ZNF140: variants seen among roughly 807,000 people sequenced by gnomAD.
ZNF140 encodes the protein zinc finger protein 140, also known as zinc finger protein 140 (clone pHZ-39).
Under a neutral mutation model 12.9 loss-of-function variants are expected in ZNF140, and 13 were observed. That is an observed-to-expected ratio of 1.01 (90% CI 0.66 to 1.60). The LOEUF (loss-of-function observed/expected upper bound fraction) is 1.60. Ranked by LOEUF, ZNF140 falls within the 40% of genes most tolerant of loss-of-function variation. The probability of loss-of-function intolerance (pLI) is 0.00; values close to 1 mark genes in which losing one functional copy is unlikely to be tolerated. For missense variants in ZNF140, 531 were observed against 548.8 expected, an observed-to-expected ratio of 0.97 and a Z score of 0.32; for synonymous variants, 214 against 186.7, an observed-to-expected ratio of 1.15 and a Z score of -1.19.
chr12:133,084,511 A>T (rs995881816), intron 4 of ZNF140, among the ~76,000 whole-genome samples: 25 of 152,244 alleles, frequency 1.6e-4, no homozygotes, highest in Non-Finnish European at 2.1e-4. Context: ...TTAGCAGTAC[A>T]GCAGTGAAAA....
intron 4 of ZNF140, among the ~76,000 whole-genome samples, chr12:133,104,188 A>C (rs1955478764): frequency 6.6e-6 from 1 of 152,226 alleles, no homozygotes; most frequent in African/African-American, 2.4e-5. Context: ...AGTTATAAGA[A>C]TAGTACAAAG....
intron 4 of ZNF140, among the ~76,000 whole-genome samples, chr12:133,102,142 A>AT (rs1176794645): frequency 5.3e-5 from 8 of 151,910 alleles, no homozygotes; most frequent in African/African-American, 1.9e-4. Flanking sequence ...TTAGTTCTTA[A>AT]TTTTTTTTCC....
chr12:133,100,392 TTCTGGCC>T (rs1955304849), intron 4 of ZNF140, among the ~76,000 whole-genome samples: 1 of 152,098 alleles, frequency 6.6e-6, no homozygotes, highest in Non-Finnish European at 1.5e-5. Context: ...GGTTGCAAAC[TTCTGGCC>T]TCAAGCACTT....
intron 4 of ZNF140, among the ~76,000 whole-genome samples, chr12:133,095,977 A>G (rs1279009883): frequency 1.9e-4 from 28 of 151,306 alleles, no homozygotes; most frequent in Non-Finnish European, 3.5e-4. Flanking sequence ...GGCAGGAGAC[A>G]GTGGCCTTCC....
chr12:133,096,105 A>G (rs912095994), intron 4 of ZNF140, among the ~76,000 whole-genome samples: 33 of 151,592 alleles, frequency 2.2e-4, no homozygotes, highest in Non-Finnish European at 4.0e-4. Context: ...CATATTTCAG[A>G]CTATCACATG....
rs1593769420 is a variant in ZNF140, at chr12:133,093,354, C to G, written c.232+9793C>G. On this transcript the variant is annotated intron_variant, in intron 4 of 4. Transcript: ENST00000355557. ...ATAGGGAGACTTACCACCGTTGATA[C>G]AATCATTAAAGCTGCAAGCAGCATA... The G allele has an allele frequency of 5.9e-6, 4 of 677,948 alleles. No homozygotes were observed. The South Asian group carries it at 6.2e-5, about 10-fold the overall frequency. 42.0% of individuals were successfully genotyped at this position (677,948 alleles called of 1,614,324 possible).
Position 133,106,252 on chromosome 12 carries a change from C to T in ZNF140, c.975C>T (p.Thr325=), listed in dbSNP as rs1410988085. The change falls in exon 5 of 5, where the codon ACC becomes ACT. Residue 325 remains threonine, a synonymous_variant. Coordinates refer to ENST00000355557, the MANE Select transcript of ZNF140 (RefSeq NM_003440.4). ...HLTRHQSIHT[T]KTPYECNECR... is the part of the protein sequence containing the mutation. ...CTCGACATCAGAGCATCCATACAAC[C>T]AAAACCCCGTATGAATGTAATGAAT... 5 of 1,614,042 alleles carry T rather than the reference C, an allele frequency of 3.1e-6. No individual in the cohort carries two copies. Among genetic ancestry groups the T allele is most frequent in the Non-Finnish European group, 4.2e-6 (5 of 1,180,040 alleles).
chr12:133,096,222 T>C lies in ZNF140; in HGVS notation c.233-9288T>C, dbSNP rs1057050901. ...GAGACTAGAGAATGGCGATGACTTT[T>C]ACCAAGTATACTGCTTGTAAACATT... is the stretch of plus-strand genomic sequence containing the variant. On this transcript the variant is annotated intron_variant, in intron 4 of 4. Transcript: ENST00000355557. Among the ~76,000 whole-genome samples the C allele has an allele frequency of 2.0e-5, 3 of 152,054 alleles. No homozygotes were observed. In the South Asian group the frequency reaches 6.2e-4, roughly 32 times the overall value.
rs142149303 is a variant in ZNF140, at chr12:133,106,208, C to G, written c.931C>G (p.Arg311Gly). 1 of 1,614,100 alleles carries G rather than the reference C, an allele frequency of 6.2e-7. No individual in the cohort carries two copies. Among genetic ancestry groups the G allele is most frequent in the Non-Finnish European group, 8.5e-7 (1 of 1,180,016 alleles). The change falls in exon 5 of 5, where the codon CGC (arginine) becomes GGC (glycine). Residue 311 changes from arginine to glycine, a missense_variant. Physicochemically the swap from Arg to Gly is moderately radical, Grantham distance 125. Coordinates refer to ENST00000355557, the MANE Select transcript of ZNF140 (RefSeq NM_003440.4). ...YECIECGKAF[R>G]RFSHLTRHQS... ...ATGCATTGAATGTGGGAAGGCATTTCGCCGTTTCTCACACCTTACTCGACA... is the reference window on the plus strand; with the variant it reads ...ATGCATTGAATGTGGGAAGGCATTTGGCCGTTTCTCACACCTTACTCGACA...
Position 133,106,263 on chromosome 12 carries a change from A to G in ZNF140, c.986A>G (p.Tyr329Cys), listed in dbSNP as rs1330364627. 1 of 1,614,226 alleles carries G rather than the reference A, an allele frequency of 6.2e-7. No homozygotes were observed. The change falls in exon 5 of 5, where the codon TAT (tyrosine) becomes TGT (cysteine). Residue 329 changes from tyrosine to cysteine, a missense_variant. Coordinates refer to ENST00000355557, the MANE Select transcript of ZNF140 (RefSeq NM_003440.4). The stretch of plus-strand genomic sequence containing the variant: ...AGCATCCATACAACCAAAACCCCGT[A>G]TGAATGTAATGAATGTAGGAAAGCT... ...HQSIHTTKTP[Y>C]ECNECRKAFR...
chr12:133,107,272 A>G lies in ZNF140; in HGVS notation c.*621A>G, dbSNP rs1000977796. 10 of 152,220 alleles carry G rather than the reference A, an allele frequency of 6.6e-5. No individual in the cohort carries two copies. Among genetic ancestry groups the G allele is most frequent in the Non-Finnish European group, 1.2e-4 (8 of 68,032 alleles). 9.4% of individuals were successfully genotyped at this position (152,220 alleles called of 1,614,324 possible). A position where few individuals can be genotyped will look rare whatever the true frequency, so the allele number is the denominator to read the frequency against. ...AGAATTACACTGTGGGAAAACTACC[A>G]TTGTAATAAGTGTAGCAAAATCTCC... On this transcript the variant is annotated 3_prime_UTR_variant, in exon 5 of 5. Coordinates refer to ENST00000355557, the MANE Select transcript of ZNF140 (RefSeq NM_003440.4).
chr12:133,104,598 G>A (rs973327845), intron 4 of ZNF140, among the ~76,000 whole-genome samples: 294 of 152,138 alleles, frequency 1.9e-3, no homozygotes, highest in African/African-American at 6.4e-3. Flanking sequence ...TGATCTGCCC[G>A]CCTTGGCCTC....
intron 4 of ZNF140, among the ~76,000 whole-genome samples, chr12:133,098,935 G>A (rs1204495082): frequency 6.6e-6 from 1 of 152,148 alleles, no homozygotes; most frequent in Middle Eastern, 3.2e-3. Flanking sequence ...CCAGGCTGGA[G>A]TGCAGTGGCA....
At chr12:133,103,694 A>C (rs936785625) in intron 4 of ZNF140, among the ~76,000 whole-genome samples, 2 of 152,064 alleles carry the variant, frequency 1.3e-5, no homozygotes, top group Non-Finnish European at 2.9e-5. Context: ...TTTAAATCTT[A>C]TCTCTGGTCT....
chr12:133,096,085 C>A (rs960047342), intron 4 of ZNF140, among the ~76,000 whole-genome samples: 6 of 151,666 alleles, frequency 4.0e-5, no homozygotes, highest in East Asian at 1.9e-4. Flanking sequence ...TCTTTCTCAT[C>A]CCACGAGGCC....
chr12:133,099,245 T>A (rs1955245515), intron 4 of ZNF140, among the ~76,000 whole-genome samples: 1 of 152,140 alleles, frequency 6.6e-6, no homozygotes, highest in Admixed American at 6.5e-5. Flanking sequence ...TGATCTTGGC[T>A]CACTGCAGCC....
At chr12:133,095,864 C>T (rs1282520300) in intron 4 of ZNF140, among the ~76,000 whole-genome samples, 7 of 151,998 alleles carry the variant, frequency 4.6e-5, no homozygotes, top group Admixed American at 2.0e-4. Context: ...AGCATTACTG[C>T]AAACATATCT....
chr12:133,099,844 C>G (rs1242699837), intron 4 of ZNF140, among the ~76,000 whole-genome samples: 1 of 151,924 alleles, frequency 6.6e-6, no homozygotes, highest in African/African-American at 2.4e-5. Flanking sequence ...CAACAAATTC[C>G]TTAAAAAAAC....
chr12:133,091,625 G>T (rs1408125873), intron 4 of ZNF140, among the ~76,000 whole-genome samples: 4 of 150,346 alleles, frequency 2.7e-5, no homozygotes, highest in African/African-American at 7.4e-5. Flanking sequence ...CGGAGCTGTT[G>T]TATACACCTG....
Sources: allele counts gnomAD v4.1 joint callset (sites outside exome capture counted in the v4.1 genomes callset), GRCh38; gene constraint gnomAD v4.1.1; transcripts MANE v1.5; gene names NCBI Gene and HGNC (gene_info 2026-07-23, HGNC 2026-07-21).